TBC1D12: variants seen among roughly 807,000 people sequenced by gnomAD.
TBC1D12 encodes TBC1 domain family, member 12.
Under a neutral mutation model 86.7 loss-of-function variants are expected in TBC1D12, and 56 were observed. The observed-to-expected ratio is 0.65, with a 90% CI of 0.52 to 0.81. TBC1D12 has a LOEUF of 0.81. Among genes scored for constraint, TBC1D12 ranks in the 30% least tolerant of loss-of-function variants. The pLI is 0.00. For synonymous variants in TBC1D12, 421 were observed against 411.7 expected (o/e 1.02, Z -0.27); for missense variants, 1,023 against 1,038.8 (o/e 0.98, Z 0.21).
At chr10:94,426,396 A>G (rs1015219076) in intron 1 of TBC1D12, among the ~76,000 whole-genome samples, 4 of 152,058 alleles carry the variant, frequency 2.6e-5, no homozygotes, top group African/African-American at 9.7e-5. Context: ...TTATTTTATT[A>G]GTATTGCCAA....
At chr10:94,465,684 G>A (rs2055798971) in intron 2 of TBC1D12, among the ~76,000 whole-genome samples, 2 of 131,208 alleles carry the variant, frequency 1.5e-5, no homozygotes, top group African/African-American at 2.7e-5. Flanking sequence ...GTGTGTGTGT[G>A]TGTGTGTGTG....
intron 9 of TBC1D12, among the ~76,000 whole-genome samples, chr10:94,514,015 T>G (rs2056556854): frequency 6.6e-6 from 1 of 151,074 alleles, no homozygotes; most frequent in African/African-American, 2.4e-5. Flanking sequence ...ATTAGTTGTA[T>G]TTGCCATGTT....
At chr10:94,448,725 T>C (rs2055507495) in intron 2 of TBC1D12, among the ~76,000 whole-genome samples, 1 of 152,076 alleles carries the variant, frequency 6.6e-6, no homozygotes, top group Non-Finnish European at 1.5e-5. Flanking sequence ...GTTATCCTCC[T>C]GCCTAGGCCT....
At chr10:94,478,310 AG>A (rs1356718022) in intron 3 of TBC1D12, among the ~76,000 whole-genome samples, 2 of 152,202 alleles carry the variant, frequency 1.3e-5, no homozygotes, top group Non-Finnish European at 2.9e-5. Flanking sequence ...AAAGGGATTA[AG>A]CTTCACACCA....
intron 9 of TBC1D12, among the ~76,000 whole-genome samples, chr10:94,513,852 C>T (rs1564986310): frequency 6.6e-6 from 1 of 152,080 alleles, no homozygotes; most frequent in Non-Finnish European, 1.5e-5. Flanking sequence ...ACCTACTGTG[C>T]CTGGCTGATA....
Position 94,530,464 on chromosome 10 carries a change from T to G in TBC1D12, c.2001-738T>G, listed in dbSNP as rs376703342. Among the ~76,000 whole-genome samples, 21 of 152,338 alleles carry G rather than the reference T, an allele frequency of 1.4e-4. No homozygotes were observed. The East Asian group carries it at 2.7e-3, about 20-fold the overall frequency. On this transcript the variant is annotated intron_variant, in intron 11 of 12. Transcript: ENST00000225235. ...AGACTTTGAGTTTATATTAGGTTAC[T>G]AAAAGATGATATTTGAGTTCTTCAT...
At chr10:94,420,020 T>C (rs1589604109) in intron 1 of TBC1D12, among the ~76,000 whole-genome samples, 1 of 152,220 alleles carries the variant, frequency 6.6e-6, no homozygotes, top group Non-Finnish European at 1.5e-5. Context: ...GTGGAATATA[T>C]TGCTGTGGAC....
chr10:94,446,329 G>A (rs2134097161), intron 2 of TBC1D12, among the ~76,000 whole-genome samples: 1 of 152,272 alleles, frequency 6.6e-6, no homozygotes, highest in African/African-American at 2.4e-5. Context: ...GGACACTTCT[G>A]TCATGTTTTG....
chr10:94,458,191 C>T (rs558458858), intron 2 of TBC1D12, among the ~76,000 whole-genome samples: 1 of 151,996 alleles, frequency 6.6e-6, no homozygotes, highest in East Asian at 1.9e-4. Context: ...AGGATTAATC[C>T]ATTAATGGAT....
At chr10:94,521,244 A>C (rs1032372464) in intron 9 of TBC1D12, among the ~76,000 whole-genome samples, 1 of 151,594 alleles carries the variant, frequency 6.6e-6, no homozygotes, top group Admixed American at 6.6e-5. Flanking sequence ...AAAACAAAAA[A>C]AAAACAGGAG....
chr10:94,502,105 G>A (rs961972122), intron 6 of TBC1D12, among the ~76,000 whole-genome samples: 1 of 151,894 alleles, frequency 6.6e-6, no homozygotes, highest in South Asian at 2.1e-4. Context: ...GGCCAACGCG[G>A]GTGGATCAAC....
chr10:94,525,617 G>A (rs984888550), intron 11 of TBC1D12, among the ~76,000 whole-genome samples: 3 of 132,846 alleles, frequency 2.3e-5, no homozygotes, highest in African/African-American at 5.9e-5. Flanking sequence ...CCGGGATCAC[G>A]CCACTGCACT....
intron 1 of TBC1D12, among the ~76,000 whole-genome samples, chr10:94,436,346 T>C (rs1424698176): frequency 6.6e-6 from 1 of 151,364 alleles, no homozygotes; most frequent in Non-Finnish European, 1.5e-5. Flanking sequence ...ATGTTGGCCA[T>C]GATGGTCTCG....
chr10:94,406,413 T>A (rs1392388331), intron 1 of TBC1D12, among the ~76,000 whole-genome samples: 3 of 152,148 alleles, frequency 2.0e-5, no homozygotes, highest in East Asian at 1.9e-4. Context: ...TTCCTTTATA[T>A]GACATTCTTG....
At chr10:94,428,804 G>A (rs145535772) in intron 1 of TBC1D12, among the ~76,000 whole-genome samples, 3 of 151,568 alleles carry the variant, frequency 2.0e-5, no homozygotes, top group African/African-American at 7.3e-5. Flanking sequence ...TGACTTCGCA[G>A]GCTTACGTGA....
chr10:94,525,895 A>G (rs1842275994), intron 11 of TBC1D12, among the ~76,000 whole-genome samples: 1 of 152,118 alleles, frequency 6.6e-6, no homozygotes, highest in South Asian at 2.1e-4. Flanking sequence ...TAGTGATGAG[A>G]TCAGGGTAAT....
intron 12 of TBC1D12, among the ~76,000 whole-genome samples, chr10:94,532,415 G>A (rs1168230448): frequency 2.0e-5 from 3 of 152,032 alleles, no homozygotes; most frequent in Non-Finnish European, 4.4e-5. Flanking sequence ...CTGACCTTGT[G>A]ATCTGCCCGC....
chr10:94,422,628 G>A (rs2055090860), intron 1 of TBC1D12, among the ~76,000 whole-genome samples: 1 of 152,210 alleles, frequency 6.6e-6, no homozygotes, highest in Non-Finnish European at 1.5e-5. Context: ...AGGCTGGAGT[G>A]CAGTGGCGTG....
intron 9 of TBC1D12, among the ~76,000 whole-genome samples, chr10:94,521,054 T>G (rs1318135307): frequency 6.6e-6 from 1 of 150,688 alleles, no homozygotes; most frequent in Non-Finnish European, 1.5e-5. Flanking sequence ...ATTAAACAAA[T>G]GTATGGGCTG....
Sources: allele counts gnomAD v4.1 joint callset (sites outside exome capture counted in the v4.1 genomes callset), GRCh38; gene constraint gnomAD v4.1.1; transcripts MANE v1.5; gene names NCBI Gene and HGNC (gene_info 2026-07-23, HGNC 2026-07-21).